ARFGEF1: variants seen among roughly 807,000 people sequenced by gnomAD.
The protein encoded by ARFGEF1 is ARF guanine nucleotide exchange factor 1.
ARFGEF1 carries 42 observed loss-of-function variants against 231.0 expected under a neutral mutation model. The ratio of observed to expected loss-of-function variants is 0.18; its 90% CI spans 0.14 to 0.24. The LOEUF (loss-of-function observed/expected upper bound fraction) is 0.24, where lower values mean the gene tolerates loss of function less well. Ranked by LOEUF, ARFGEF1 falls within the 10% of genes least tolerant of loss-of-function variation. The probability of loss-of-function intolerance (pLI) is 1.00; values close to 1 mark genes in which losing one functional copy is unlikely to be tolerated. For synonymous variants in ARFGEF1, 710 were observed against 732.3 expected, an observed-to-expected ratio of 0.97 and a Z score of 0.49; for missense variants, 1,345 against 2,192.0, an observed-to-expected ratio of 0.61 and a Z score of 7.72.
intron 29 of ARFGEF1, among the ~76,000 whole-genome samples, chr8:67,222,193 A>G (rs1839201129): frequency 7.1e-6 from 1 of 140,388 alleles, no homozygotes; most frequent in Non-Finnish European, 1.5e-5. Flanking sequence ...ATATATATAT[A>G]TATATATATA....
chr8:67,288,110 G>T, intron 6 of ARFGEF1, 45 bp from the exon 7 acceptor site: 2 of 1,347,406 alleles, frequency 1.5e-6, no homozygotes, highest in Admixed American at 2.3e-5. Context: ...TTAACTTTTT[G>T]GAAGCTTTTT....
chr8:67,270,583 A>T (rs1439881645), intron 10 of ARFGEF1, among the ~76,000 whole-genome samples: 1 of 152,126 alleles, frequency 6.6e-6, no homozygotes, highest in South Asian at 2.1e-4. Context: ...AAACCATACA[A>T]CATCACAACC....
chr8:67,182,042 C>A (rs904403796), intron 5 of ARFGEF1, among the ~76,000 whole-genome samples: 1 of 152,136 alleles, frequency 6.6e-6, no homozygotes, highest in Non-Finnish European at 1.5e-5. Context: ...ACCCTTGCCA[C>A]CCAGGCTGGA....
intron 5 of ARFGEF1, among the ~76,000 whole-genome samples, chr8:67,188,320 C>T (rs1028995841): frequency 4.6e-5 from 7 of 152,218 alleles, no homozygotes; most frequent in Admixed American, 4.6e-4. Flanking sequence ...ACTAAGAATT[C>T]CTAAGCCTAG....
intron 1 of ARFGEF1, among the ~76,000 whole-genome samples, chr8:67,330,278 T>C (rs1808040077): frequency 6.6e-6 from 1 of 152,128 alleles, no homozygotes; most frequent in Non-Finnish European, 1.5e-5. Context: ...AAGGTAGCCA[T>C]ATATACAAGT....
chr8:67,208,348 A>G (rs1838594559), intron 34 of ARFGEF1, among the ~76,000 whole-genome samples: 1 of 152,180 alleles, frequency 6.6e-6, no homozygotes, highest in South Asian at 2.1e-4. Flanking sequence ...AAAACTTCAT[A>G]GGCCAGGCAC....
At chr8:67,245,452 C>G (rs946154454) in intron 19 of ARFGEF1, among the ~76,000 whole-genome samples, 1 of 150,178 alleles carries the variant, frequency 6.7e-6, no homozygotes, top group Non-Finnish European at 1.5e-5. Flanking sequence ...GGTTAAAAAG[C>G]AGGGGAACAA....
chr8:67,248,148 T>C (rs970578128), intron 19 of ARFGEF1, among the ~76,000 whole-genome samples: 1 of 150,016 alleles, frequency 6.7e-6, no homozygotes, highest in African/African-American at 2.5e-5. Context: ...ATCCTACAAT[T>C]TATATGGAAT....
At chr8:67,207,831 C>G (rs1838576019) in intron 34 of ARFGEF1, among the ~76,000 whole-genome samples, 2 of 152,208 alleles carry the variant, frequency 1.3e-5, no homozygotes, top group Admixed American at 1.3e-4. Context: ...TCTGAGTCAA[C>G]AGTTCCAGGA....
intron 9 of ARFGEF1, among the ~76,000 whole-genome samples, chr8:67,275,484 T>A (rs1023290551): frequency 6.6e-6 from 1 of 152,134 alleles, no homozygotes; most frequent in African/African-American, 2.4e-5. Flanking sequence ...GAATATGCAT[T>A]ATCTTTCATT....
chr8:67,326,823 A>G (rs765266194), intron 1 of ARFGEF1, among the ~76,000 whole-genome samples: 2 of 152,234 alleles, frequency 1.3e-5, no homozygotes, highest in African/African-American at 2.4e-5. Context: ...CCAAGAACCT[A>G]TATCAATGAC....
intron 32 of ARFGEF1, among the ~76,000 whole-genome samples, 197 bp downstream of exon 32, chr8:67,217,585 T>C (rs1287354782): frequency 6.6e-6 from 1 of 152,192 alleles, no homozygotes; most frequent in Non-Finnish European, 1.5e-5. Flanking sequence ...GGTTTATAAA[T>C]AGTTTAATTT....
At chr8:67,301,720 C>A (rs1053307890) in intron 2 of ARFGEF1, among the ~76,000 whole-genome samples, 3 of 152,118 alleles carry the variant, frequency 2.0e-5, no homozygotes, top group Non-Finnish European at 4.4e-5. Context: ...AATGGCCTTT[C>A]TATTTGTCCT....
intron 34 of ARFGEF1, among the ~76,000 whole-genome samples, chr8:67,208,961 T>G (rs1217723265): frequency 6.6e-6 from 1 of 152,198 alleles, no homozygotes; most frequent in Non-Finnish European, 1.5e-5. Context: ...CTGGCAAAGA[T>G]GTGGAAAAAC....
chr8:67,251,541 T>C (rs983827958), intron 18 of ARFGEF1, 91 bp from the exon 19 acceptor site: 6 of 1,202,872 alleles, frequency 5.0e-6, no homozygotes, highest in African/African-American at 1.6e-5. Context: ...ACACCACCAG[T>C]AATTAAAAGT....
At chr8:67,181,245 C>T (rs771124705) in intron 5 of ARFGEF1, among the ~76,000 whole-genome samples, 7 of 151,490 alleles carry the variant, frequency 4.6e-5, no homozygotes, top group Non-Finnish European at 8.8e-5. Flanking sequence ...CCTATGTTGC[C>T]CAGGCTGGTC....
chr8:67,242,808 C>T (rs181821849), intron 19 of ARFGEF1, among the ~76,000 whole-genome samples: 16 of 152,260 alleles, frequency 1.1e-4, no homozygotes, highest in African/African-American at 3.1e-4. Context: ...GGGTGAGTCC[C>T]GGCCTGGCAG....
At chr8:67,319,502 CA>C (rs34386557) in intron 1 of ARFGEF1, among the ~76,000 whole-genome samples, 38,740 of 103,554 alleles carry the variant, frequency 0.37, 4,858 homozygotes, top group East Asian at 0.44. Flanking sequence ...CACCCATTTG[CA>C]AAAAAAAAAA....
downstream of ARFGEF1, chr8:67,193,490 AGATG>A (rs1563808394): frequency 6.2e-7 from 1 of 1,613,624 alleles, no homozygotes; most frequent in Non-Finnish European, 8.5e-7. Flanking sequence ...ATGTAGCACC[AGATG>A]GTCTCTCTCT....
Sources: allele counts gnomAD v4.1 joint callset (sites outside exome capture counted in the v4.1 genomes callset), GRCh38; gene constraint gnomAD v4.1.1; transcripts MANE v1.5; gene names NCBI Gene and HGNC (gene_info 2026-07-23, HGNC 2026-07-21).